The following MYO5B variants were observed in gnomAD, a reference collection of about 807,000 sequenced individuals.
MYO5B encodes the protein myosin VB, also known as unconventional myosin-Vb.
MYO5B carries 143 observed loss-of-function variants against 229.3 expected under a neutral mutation model. That is an observed-to-expected ratio of 0.62 (90% CI 0.54 to 0.72). The LOEUF (loss-of-function observed/expected upper bound fraction) is 0.72. MYO5B is among the 30% of genes least tolerant of loss of function. The pLI is 0.00. For missense variants in MYO5B, 2,321 were observed against 2,331.0 expected (o/e 1.00, Z 0.09); for synonymous variants, 918 against 885.2 (o/e 1.04, Z -0.66).
At chr18:50,092,125 C>T (rs749869221) in intron 1 of MYO5B, among the ~76,000 whole-genome samples, 7 of 152,126 alleles carry the variant, frequency 4.6e-5, no homozygotes, top group Non-Finnish European at 1.0e-4. Context: ...GAAGCAGACA[C>T]ATATAAGGGC....
chr18:50,043,097 A>T lies in MYO5B; in HGVS notation c.139-2783T>A, dbSNP rs2030070896. 2.0e-5 allele frequency among the ~76,000 whole-genome samples: 3 copies of T among 151,376 alleles called. No individual in the cohort carries two copies. In the South Asian group the frequency reaches 6.2e-4, roughly 31 times the overall value. ...CCACTATTGTGTATCTACCCAGAGG[A>T]AAAGAAGTCATTACATGAAAAAGAT... On this transcript the variant is annotated intron_variant, in intron 2 of 39. Transcript: ENST00000285039.
intron 16 of MYO5B, among the ~76,000 whole-genome samples, chr18:49,933,555 G>C (rs1026881793): frequency 1.3e-5 from 2 of 152,224 alleles, no homozygotes; most frequent in African/African-American, 4.8e-5. Context: ...TCAACTGGAG[G>C]CAATTTTGTC....
In MYO5B at chr18:50,176,594, G is replaced by A. The variant is rs527639209; in HGVS notation, c.27+18173C>T. 7.5e-4 allele frequency among the ~76,000 whole-genome samples: 114 copies of A among 152,278 alleles called. No homozygotes were observed. In the South Asian group the frequency reaches 0.016, roughly 21 times the overall value. ...ATCCTCCCTTGCATACCTGGTCCCT[G>A]ATCAAAGTTTGGTCCCTGACCAAAA... On this transcript the variant is annotated intron_variant, in intron 1 of 39. Transcript: ENST00000285039.
chr18:50,131,898 A>T lies in MYO5B; in HGVS notation c.27+62869T>A, dbSNP rs191246656. On this transcript the variant is annotated intron_variant, in intron 1 of 39. Coordinates refer to ENST00000285039, the MANE Select transcript of MYO5B (RefSeq NM_001080467.3). ...TAATTATTCAGCAGGCTGAATACCAAACCAATCACCATCCACAATCAGATC... is the reference window on the plus strand; with the variant it reads ...TAATTATTCAGCAGGCTGAATACCATACCAATCACCATCCACAATCAGATC... Among the ~76,000 whole-genome samples the T allele has an allele frequency of 4.1e-3, 628 of 152,306 alleles. 7 individuals are homozygous for T. Among genetic ancestry groups the T allele is most frequent in the African/African-American group, 0.014 (564 of 41,542 alleles).
At chr18:49,942,662 G>A (rs1417306023) in intron 14 of MYO5B, among the ~76,000 whole-genome samples, 4 of 151,734 alleles carry the variant, frequency 2.6e-5, no homozygotes, top group Non-Finnish European at 4.4e-5. Flanking sequence ...AAACCACAAT[G>A]AGATACCATC....
chr18:50,011,571 C>T (rs1425844721), intron 4 of MYO5B, among the ~76,000 whole-genome samples: 3 of 152,034 alleles, frequency 2.0e-5, no homozygotes, highest in African/African-American at 4.8e-5. Flanking sequence ...CCTGCCTTCC[C>T]GAGGGATGGC....
rs76511906 is a variant in MYO5B, at chr18:50,172,185, G to A, written c.27+22582C>T. 9.2e-3 allele frequency among the ~76,000 whole-genome samples: 1,397 copies of A among 151,898 alleles called. 8 individuals carry two copies. The highest frequency in any genetic ancestry group is 0.014 in the Admixed American group (209 of 15,256). On this transcript the variant is annotated intron_variant, in intron 1 of 39. Transcript: ENST00000285039. ...AGTCCCAACTACTTGGGAGGCTGAA[G>A]GGGAAGGATCACTTGAGCCCAGAAG...
At chr18:50,111,580 C>T (rs2031866189) in intron 1 of MYO5B, among the ~76,000 whole-genome samples, 1 of 152,198 alleles carries the variant, frequency 6.6e-6, no homozygotes, top group South Asian at 2.1e-4. Flanking sequence ...TGCTAAAACC[C>T]TATCTTCCTT....
At chr18:50,166,487 C>T (rs1038011978) in intron 1 of MYO5B, among the ~76,000 whole-genome samples, 60 of 152,282 alleles carry the variant, frequency 3.9e-4, no homozygotes, top group African/African-American at 1.3e-3. Flanking sequence ...TAAGCTGGTA[C>T]ATCTCAATTC....
intron 29 of MYO5B, 22 bp downstream of exon 29, chr18:49,863,205 C>T (rs2024352375): frequency 6.3e-7 from 1 of 1,599,990 alleles, no homozygotes; most frequent in Non-Finnish European, 8.6e-7. Context: ...TCGTCCAGCA[C>T]ATTTGACCGC....
chr18:50,138,459 G>C (rs1047144856), intron 1 of MYO5B, among the ~76,000 whole-genome samples: 3 of 152,190 alleles, frequency 2.0e-5, no homozygotes, highest in Non-Finnish European at 4.4e-5. Flanking sequence ...CTTTAAGCAA[G>C]AACAGAGACT....
intron 19 of MYO5B, among the ~76,000 whole-genome samples, chr18:49,905,485 T>C (rs1313515051): frequency 6.6e-6 from 1 of 152,130 alleles, no homozygotes; most frequent in African/African-American, 2.4e-5. Flanking sequence ...TAACAAGTGC[T>C]CAATTAGAGA....
At chr18:49,993,475 C>G (rs1231336405) in intron 5 of MYO5B, among the ~76,000 whole-genome samples, 1 of 152,016 alleles carries the variant, frequency 6.6e-6, no homozygotes, top group Non-Finnish European at 1.5e-5. Context: ...TGAAAACATG[C>G]CATTGAGTTG....
intron 1 of MYO5B, among the ~76,000 whole-genome samples, chr18:50,089,924 AC>A (rs1443044494): frequency 6.6e-6 from 1 of 152,112 alleles, no homozygotes; most frequent in Non-Finnish European, 1.5e-5. Context: ...TGGGAGGGCC[AC>A]CTTTTTCGAA....
chr18:49,872,128 G>A (rs761956477), intron 27 of MYO5B, 39 bp downstream of exon 27: 4 of 1,598,200 alleles, frequency 2.5e-6, no homozygotes, highest in Admixed American at 1.7e-5. Context: ...CCCTCTGCCA[G>A]GGGAGTGTTC....
rs1363263853 is a variant in MYO5B at position 50,154,871 on chromosome 18, G to A, written c.27+39896C>T. 2.6e-5 allele frequency among the ~76,000 whole-genome samples: 4 copies of A among 152,162 alleles called. No homozygotes were observed. In the East Asian group the frequency reaches 7.7e-4, roughly 29 times the overall value. ...TCTCCTGTGCAAGGCAGTTTTGCTGGAGTCCTACCTGACATTGGCTGTTAT... is the reference window on the plus strand; with the variant it reads ...TCTCCTGTGCAAGGCAGTTTTGCTGAAGTCCTACCTGACATTGGCTGTTAT... On this transcript the variant is annotated intron_variant, in intron 1 of 39. Transcript: ENST00000285039.
At chr18:49,924,941 A>G (rs1040239108) in intron 17 of MYO5B, among the ~76,000 whole-genome samples, 1 of 152,204 alleles carries the variant, frequency 6.6e-6, no homozygotes, top group African/African-American at 2.4e-5. Flanking sequence ...GAAAAAAACA[A>G]AAACAGTATA....
At chr18:49,914,775 CAAAA>C (rs5824810) in intron 17 of MYO5B, among the ~76,000 whole-genome samples, 12 of 106,180 alleles carry the variant, frequency 1.1e-4, no homozygotes, top group Non-Finnish European at 1.9e-4. Flanking sequence ...GACCTTGTCT[CAAAA>C]AAAAAAAAAA....
At chr18:49,950,088 G>A (rs139489168) in intron 14 of MYO5B, among the ~76,000 whole-genome samples, 3 of 152,264 alleles carry the variant, frequency 2.0e-5, no homozygotes, top group East Asian at 1.9e-4. Flanking sequence ...CTTTTGAGAC[G>A]TCTGAAACAG....
Sources: allele counts gnomAD v4.1 joint callset (sites outside exome capture counted in the v4.1 genomes callset), GRCh38; gene constraint gnomAD v4.1.1; transcripts MANE v1.5; gene names NCBI Gene and HGNC (gene_info 2026-07-23, HGNC 2026-07-21).